The following TDRP variants were observed in gnomAD, a reference collection of about 807,000 sequenced individuals.
TDRP encodes testis development related protein.
TDRP carries 12 observed loss-of-function variants against 10.5 expected under a neutral mutation model. The observed-to-expected ratio is 1.15, with a 90% confidence interval of 0.73 to 1.86. TDRP has a LOEUF of 1.86. Among genes scored for constraint, TDRP ranks in the 40% most tolerant of loss-of-function variants. The pLI, the probability that TDRP is intolerant of heterozygous loss-of-function variation, is 0.00. For missense variants in TDRP, 353 were observed against 229.2 expected, an observed-to-expected ratio of 1.54 and a Z score of -3.49; for synonymous variants, 139 against 95.4, an observed-to-expected ratio of 1.46 and a Z score of -2.67.
chr8:528,942 G>A lies in TDRP; in HGVS notation c.108+15708C>T, dbSNP rs867204614. ...GGATGTCTGCAAGCTGAGGAGCAAG[G>A]AAGCCAGTCCGAGTCCCAAAACTGA... On this transcript the variant is annotated intron_variant, in intron 1 of 2. Coordinates refer to ENST00000324079, the MANE Select transcript of TDRP (RefSeq NM_001384899.1). 1.6e-3 allele frequency among the ~76,000 whole-genome samples: 246 copies of A among 152,256 alleles called. 3 individuals are homozygous for A. The Middle Eastern group carries it at 0.031, about 19-fold the overall frequency.
Position 494,468 on chromosome 8 carries a change from C to G in TDRP, c.212+26G>C, listed in dbSNP as rs758308899. The G allele has an allele frequency of 5.6e-6, 9 of 1,602,352 alleles. No individual in the cohort carries two copies. In the African/African-American group the frequency reaches 1.2e-4, roughly 21 times the overall value. Reference sequence around the variant, plus strand: ...GACTTCCTCCCTCTCCTGAAATGATCATTTTCTTACACAGTTATGACTTAC... The same window carrying G: ...GACTTCCTCCCTCTCCTGAAATGATGATTTTCTTACACAGTTATGACTTAC... On this transcript the variant is annotated intron_variant, in intron 2 of 2. Coordinates refer to ENST00000324079, the MANE Select transcript of TDRP (RefSeq NM_001384899.1).
At chr8:493,174 T>C (rs1801027387) in intron 2 of TDRP, among the ~76,000 whole-genome samples, 1 of 152,176 alleles carries the variant, frequency 6.6e-6, no homozygotes, top group Admixed American at 6.5e-5. Flanking sequence ...AAGCATTTAG[T>C]AGGTAATTTA....
intron 1 of TDRP, among the ~76,000 whole-genome samples, chr8:510,030 G>A (rs1173186957): frequency 6.6e-6 from 1 of 152,126 alleles, no homozygotes; most frequent in African/African-American, 2.4e-5. Context: ...CACATGCGAT[G>A]TGACCTCCAG....
upstream of TDRP, among the ~76,000 whole-genome samples, chr8:545,454 C>A (rs537261777): frequency 2.0e-5 from 3 of 151,450 alleles, no homozygotes; most frequent in Admixed American, 6.5e-5. Context: ...CCCCTCCCCC[C>A]ACCCTTTCCC....
rs1800932094 is a variant in TDRP, at chr8:490,275, A to G, written c.*2124T>C. 1 of 152,272 alleles carries G rather than the reference A, an allele frequency of 6.6e-6. No individual in the cohort carries two copies. The highest frequency in any genetic ancestry group is 1.5e-5 in the Non-Finnish European group (1 of 68,052). 9.4% of individuals were successfully genotyped at this position (152,272 alleles called of 1,614,324 possible). A position where few individuals can be genotyped will look rare whatever the true frequency, so the allele number is the denominator to read the frequency against. ...GCACAGAAGAAAAAATCATTTTTAC[A>G]TTAGTCTTTGTAGATAAGAAAAATT... On this transcript the variant is annotated 3_prime_UTR_variant, in exon 3 of 3. Transcript: ENST00000324079.
chr8:519,095 A>G lies in TDRP; in HGVS notation c.109-24498T>C, dbSNP rs572728515. On this transcript the variant is annotated intron_variant, in intron 1 of 2. Coordinates refer to ENST00000324079, the MANE Select transcript of TDRP (RefSeq NM_001384899.1). ...AAGAGAGAAGGAGGGCTAGAGATTG[A>G]ATCCAGTCACCAATGGCCAAAGATT... Among the ~76,000 whole-genome samples the G allele has an allele frequency of 2.0e-5, 3 of 152,228 alleles. No homozygotes were observed. In the East Asian group the frequency reaches 5.8e-4, roughly 30 times the overall value.
intron 1 of TDRP, among the ~76,000 whole-genome samples, chr8:510,350 A>T (rs7002094): frequency 2.0e-5 from 3 of 151,934 alleles, no homozygotes; most frequent in African/African-American, 7.2e-5. Flanking sequence ...CTTCATTAGC[A>T]TAAGAGGACA....
intron 1 of TDRP, among the ~76,000 whole-genome samples, chr8:526,592 G>A (rs908634207): frequency 6.6e-6 from 1 of 152,090 alleles, no homozygotes; most frequent in African/African-American, 2.4e-5. Flanking sequence ...GTATGTTGTA[G>A]AATTTGGTTT....
chr8:528,867 G>C (rs943022014), intron 1 of TDRP, among the ~76,000 whole-genome samples: 2 of 149,254 alleles, frequency 1.3e-5, no homozygotes, highest in Admixed American at 1.3e-4. Context: ...GTGTGTAAAG[G>C]GGAATTTATT....
chr8:512,135 C>G (rs1801636016), intron 1 of TDRP, among the ~76,000 whole-genome samples: 1 of 149,504 alleles, frequency 6.7e-6, no homozygotes, highest in Admixed American at 6.7e-5. Flanking sequence ...AAAAAAAAAA[C>G]AAAATTGGGG....
rs1281904761 is a variant in TDRP, at chr8:491,533, G to A, written c.*866C>T. 1 of 1,371,664 alleles carries A rather than the reference G, an allele frequency of 7.3e-7. No individual in the cohort carries two copies. Among genetic ancestry groups the A allele is most frequent in the Non-Finnish European group, 9.7e-7 (1 of 1,030,766 alleles). 85.0% of individuals were successfully genotyped at this position (1,371,664 alleles called of 1,614,324 possible). ...CCAATCACAATAGGCATCTCGCTTT[G>A]CAAGAACAAACATATGAGCCTAATA... On this transcript the variant is annotated 3_prime_UTR_variant, in exon 3 of 3. Transcript: ENST00000324079.
intron 1 of TDRP, among the ~76,000 whole-genome samples, chr8:529,863 C>T (rs1212327970): frequency 6.6e-6 from 1 of 152,122 alleles, no homozygotes; most frequent in Non-Finnish European, 1.5e-5. Context: ...TTTACCCTTT[C>T]TTTGGTTTCT....
At chr8:497,062 C>T (rs1801156232) in intron 1 of TDRP, among the ~76,000 whole-genome samples, 1 of 152,130 alleles carries the variant, frequency 6.6e-6, no homozygotes, top group Non-Finnish European at 1.5e-5. Flanking sequence ...TGAAAACAGA[C>T]TAACACAGAG....
intron 2 of TDRP, among the ~76,000 whole-genome samples, chr8:493,438 G>A (rs942730942): frequency 2.6e-5 from 4 of 152,214 alleles, no homozygotes; most frequent in Admixed American, 1.3e-4. Flanking sequence ...TCACAGCTCC[G>A]CCAGAGCACG....
intron 1 of TDRP, among the ~76,000 whole-genome samples, chr8:506,846 G>C (rs913655842): frequency 6.6e-6 from 1 of 152,230 alleles, no homozygotes; most frequent in African/African-American, 2.4e-5. Context: ...CATTTGCACA[G>C]AGTGTAGAGA....
At chr8:502,169 A>G (rs1801322528) in intron 1 of TDRP, among the ~76,000 whole-genome samples, 1 of 152,234 alleles carries the variant, frequency 6.6e-6, no homozygotes, top group Admixed American at 6.5e-5. Context: ...CGTACAACAA[A>G]AAGGCACAGA....
At chr8:516,620 G>T (rs902558738) in intron 1 of TDRP, among the ~76,000 whole-genome samples, 1 of 152,132 alleles carries the variant, frequency 6.6e-6, no homozygotes, top group Non-Finnish European at 1.5e-5. Flanking sequence ...TGCTGGCAAG[G>T]ACATGGAGCA....
chr8:503,279 C>A (rs1462729237), intron 1 of TDRP, among the ~76,000 whole-genome samples: 2 of 138,158 alleles, frequency 1.4e-5, no homozygotes, highest in Admixed American at 1.5e-4. Flanking sequence ...TAGGGCAACC[C>A]ACGTCCACCT....
upstream of TDRP, chr8:544,900 C>G (rs1326978442): frequency 2.0e-6 from 1 of 491,988 alleles, no homozygotes; most frequent in Non-Finnish European, 3.1e-6. Context: ...CGGGGCACCC[C>G]CAGAACTAGG....
Sources: allele counts gnomAD v4.1 joint callset (sites outside exome capture counted in the v4.1 genomes callset), GRCh38; gene constraint gnomAD v4.1.1; transcripts MANE v1.5; gene names NCBI Gene and HGNC (gene_info 2026-07-23, HGNC 2026-07-21).